WBP2NL: variants seen among roughly 807,000 people sequenced by gnomAD.
WBP2NL encodes WBP2 N-terminal like, also known as postacrosomal sheath WW domain-binding protein.
In WBP2NL, 27 loss-of-function variants were observed where a neutral mutation model predicts 23.3. The ratio of observed to expected loss-of-function variants is 1.16; its 90% CI spans 0.85 to 1.60. The LOEUF (loss-of-function observed/expected upper bound fraction) is 1.60, where lower values mean the gene tolerates loss of function less well. WBP2NL is among the 40% of genes most tolerant of loss of function. The pLI is 0.00. For synonymous variants in WBP2NL, 151 were observed against 145.9 expected (o/e 1.03, Z -0.25); for missense variants, 370 against 389.5 (o/e 0.95, Z 0.42).
chr22:42,048,512 T>A (rs568354500), intron 8 of WBP2NL, among the ~76,000 whole-genome samples: 120 of 151,942 alleles, frequency 7.9e-4, no homozygotes, highest in Admixed American at 1.5e-3. Context: ...ATCCCAGCAC[T>A]CTGGGAGGCT....
chr22:42,036,857 C>T (rs1298795790), downstream of WBP2NL, among the ~76,000 whole-genome samples: 2 of 152,112 alleles, frequency 1.3e-5, no homozygotes, highest in Non-Finnish European at 2.9e-5. Context: ...AGTTTCCAAA[C>T]ATTATTTTCC....
At position 42,027,263 on chromosome 22, in the gene WBP2NL, G is replaced by A; in HGVS notation, c.*82G>A. 2 of 1,494,674 alleles carry A rather than the reference G, an allele frequency of 1.3e-6. No homozygotes were observed. The highest frequency in any genetic ancestry group is 1.8e-6 in the Non-Finnish European group (2 of 1,121,692). The allele number at this position is 1,494,674 out of a possible 1,614,324, so 92.6% of individuals were successfully genotyped here. ...AGTCAGGATAAGGAGGACGACTCAG[G>A]TATGTGATCACAGGCTTCTCGCAGG... is the stretch of plus-strand genomic sequence containing the variant. On this transcript the variant is annotated 3_prime_UTR_variant, in exon 6 of 6. Transcript: ENST00000328823.
intron 1 of WBP2NL, among the ~76,000 whole-genome samples, chr22:42,011,253 T>G (rs1431197955): frequency 6.6e-6 from 1 of 152,142 alleles, no homozygotes; most frequent in East Asian, 1.9e-4. Flanking sequence ...TGAGAGGTTT[T>G]TTTTTCTCTT....
In WBP2NL at chr22:41,998,824, G is replaced by C; in HGVS notation, c.6G>C (p.Ala2=). The C allele has an allele frequency of 6.2e-7, 1 of 1,610,418 alleles. No homozygotes were observed. Among genetic ancestry groups the C allele is most frequent in the Non-Finnish European group, 8.5e-7 (1 of 1,177,730 alleles). Reference sequence around the variant, plus strand: ...GGCAGGAGGCCCGAAGCAAGATGGCGGTGAATCAGAGCCACACCGAGAACC... The same window carrying C: ...GGCAGGAGGCCCGAAGCAAGATGGCCGTGAATCAGAGCCACACCGAGAACC... M[A]VNQSHTENRR... is the part of the protein sequence containing the mutation. The change falls in exon 1 of 6, where the codon GCG becomes GCC. Residue 2 remains alanine (A), a synonymous_variant. Coordinates refer to ENST00000328823, the MANE Select transcript of WBP2NL (RefSeq NM_152613.3).
At chr22:42,019,268 A>C (rs1923645780) in intron 1 of WBP2NL, 43 bp from the exon 2 acceptor site, 1 of 1,550,894 alleles carries the variant, frequency 6.4e-7, no homozygotes, top group Admixed American at 1.9e-5. Context: ...GTCATTTTAC[A>C]TACATTCTTT....
chr22:42,029,520 T>C (rs1413810023), downstream of WBP2NL, among the ~76,000 whole-genome samples: 11 of 151,978 alleles, frequency 7.2e-5, no homozygotes, highest in Non-Finnish European at 1.5e-4. Flanking sequence ...TACAGGCAGG[T>C]AAAACCATGC....
intron 8 of WBP2NL, among the ~76,000 whole-genome samples, chr22:42,044,735 G>T: frequency 6.6e-6 from 1 of 152,170 alleles, no homozygotes; most frequent in South Asian, 2.1e-4. Context: ...AACCCAGGAA[G>T]TCAAGGCTGC....
chr22:42,024,230 C>A (rs776194151), intron 5 of WBP2NL, among the ~76,000 whole-genome samples: 2 of 152,214 alleles, frequency 1.3e-5, no homozygotes, highest in African/African-American at 4.8e-5. Flanking sequence ...TTTGTGTATT[C>A]ATTCCTCCAT....
intron 5 of WBP2NL, among the ~76,000 whole-genome samples, chr22:42,024,390 C>CT (rs764184605): frequency 5.9e-5 from 9 of 152,062 alleles, no homozygotes; most frequent in Non-Finnish European, 8.8e-5. Flanking sequence ...TGTAAATTCT[C>CT]TAACTTTTTG....
chr22:42,026,073 C>G (rs952736567), intron 5 of WBP2NL, among the ~76,000 whole-genome samples: 4 of 151,952 alleles, frequency 2.6e-5, no homozygotes, highest in Non-Finnish European at 5.9e-5. Context: ...AGATCGAGAC[C>G]ATCCTGGCTA....
chr22:42,017,016 C>G (rs1022355956), intron 1 of WBP2NL, among the ~76,000 whole-genome samples: 2 of 152,170 alleles, frequency 1.3e-5, no homozygotes, highest in Non-Finnish European at 1.5e-5. Flanking sequence ...AGGCTTCTCC[C>G]AAGTATGCAG....
At chr22:42,018,411 G>T (rs1042367082) in intron 1 of WBP2NL, among the ~76,000 whole-genome samples, 1 of 149,854 alleles carries the variant, frequency 6.7e-6, no homozygotes, top group Non-Finnish European at 1.5e-5. Flanking sequence ...GGGAAGAAGG[G>T]AAGGAAAGTC....
At chr22:42,005,706 T>C (rs917743450) in intron 1 of WBP2NL, among the ~76,000 whole-genome samples, 1 of 152,182 alleles carries the variant, frequency 6.6e-6, no homozygotes, top group Non-Finnish European at 1.5e-5. Flanking sequence ...AACTTTCCAT[T>C]CAATGGGAGC....
At chr22:42,034,381 C>A (rs1276712036), downstream of WBP2NL, among the ~76,000 whole-genome samples, 1 of 152,052 alleles carries the variant, frequency 6.6e-6, no homozygotes, top group Non-Finnish European at 1.5e-5. Context: ...TCTGTGATGC[C>A]CCACAAGCCA....
chr22:42,025,418 G>A (rs534852299), intron 5 of WBP2NL, among the ~76,000 whole-genome samples: 1 of 152,318 alleles, frequency 6.6e-6, no homozygotes, highest in South Asian at 2.1e-4. Flanking sequence ...CTTCACCAAT[G>A]TGGCCCAGGG....
At chr22:42,051,044 TTATAGCAGCTTTATTCA>T (rs1352561390) in intron 8 of WBP2NL, among the ~76,000 whole-genome samples, 1 of 152,222 alleles carries the variant, frequency 6.6e-6, no homozygotes, top group Non-Finnish European at 1.5e-5. Context: ...ACTCAAATAT[TTATAGCAGCTTTATTCA>T]TAATTGCTGA....
intron 1 of WBP2NL, among the ~76,000 whole-genome samples, chr22:42,008,324 C>T (rs766081421): frequency 6.6e-6 from 1 of 151,710 alleles, no homozygotes; most frequent in African/African-American, 2.4e-5. Context: ...TTCACATGCC[C>T]TCAGCCTCCT....
At chr22:42,042,818 G>A (rs1440820290) in intron 8 of WBP2NL, among the ~76,000 whole-genome samples, 3 of 152,064 alleles carry the variant, frequency 2.0e-5, no homozygotes, top group Non-Finnish European at 4.4e-5. Context: ...CAGCACTTTG[G>A]GAGGCCAAGG....
Position 42,022,732 on chromosome 22 carries a change from G to A in WBP2NL, c.514+376G>A, listed in dbSNP as rs113285888. On this transcript the variant is annotated intron_variant, in intron 5 of 5. Coordinates refer to ENST00000328823, the MANE Select transcript of WBP2NL (RefSeq NM_152613.3). ...CACCCTTCAACCTTACTGAGGACTC[G>A]AGCCCTGGGTCCTTTAACAGTTTGT... 7.4e-3 allele frequency among the ~76,000 whole-genome samples: 1,127 copies of A among 152,212 alleles called. 11 individuals are homozygous for A. The highest frequency in any genetic ancestry group is 0.026 in the African/African-American group (1,066 of 41,520).
Sources: allele counts gnomAD v4.1 joint callset (sites outside exome capture counted in the v4.1 genomes callset), GRCh38; gene constraint gnomAD v4.1.1; transcripts MANE v1.5; gene names NCBI Gene and HGNC (gene_info 2026-07-23, HGNC 2026-07-21).